Variants in ASCL5 observed in about 807,000 individuals in gnomAD.
ASCL5 encodes the protein achaete-scute family bHLH transcription factor 5.
For missense variants in ASCL5, 262 were observed against 268.9 expected (o/e 0.97, Z 0.18); for synonymous variants, 124 against 131.5 (o/e 0.94, Z 0.39).
chr1:201,118,743 T>C (rs1332738283), intron 1 of ASCL5, among the ~76,000 whole-genome samples: 1 of 152,158 alleles, frequency 6.6e-6, no homozygotes, highest in Non-Finnish European at 1.5e-5. Flanking sequence ...ATAATGATAA[T>C]CATAGCTACA....
chr1:201,126,601 T>C (rs1281490187), intron 1 of ASCL5, among the ~76,000 whole-genome samples: 1 of 152,224 alleles, frequency 6.6e-6, no homozygotes, highest in Non-Finnish European at 1.5e-5. Flanking sequence ...CTGTGAGCCA[T>C]ATACTATTAT....
chr1:201,121,132 G>A (rs1219963854), intron 1 of ASCL5, among the ~76,000 whole-genome samples: 1 of 152,170 alleles, frequency 6.6e-6, no homozygotes, highest in Non-Finnish European at 1.5e-5. Context: ...GCCCTTGGAG[G>A]GCATGTTAGC....
intron 1 of ASCL5, among the ~76,000 whole-genome samples, chr1:201,121,517 T>C (rs1269475384): frequency 6.6e-6 from 1 of 152,236 alleles, no homozygotes; most frequent in African/African-American, 2.4e-5. Flanking sequence ...TCTGTTTTAA[T>C]TTTGTAGACC....
In ASCL5 at chr1:201,114,010, A is replaced by G. The variant is rs1663268065; in HGVS notation, c.*742T>C. ...GTGCCGACGCAGTGCCTATGTACCT[A>G]TATGCACGCCCCCCTCCCCCAAGGC... On this transcript the variant is annotated 3_prime_UTR_variant, in exon 2 of 2. Transcript: ENST00000449188. The G allele has an allele frequency of 6.6e-6, 1 of 152,000 alleles. No individual in the cohort carries two copies. The highest frequency in any genetic ancestry group is 6.6e-5 in the Admixed American group (1 of 15,260). The allele number at this position is 152,000 out of a possible 1,614,324, so 9.4% of individuals were successfully genotyped here.
chr1:201,114,816 T>G lies in ASCL5; in HGVS notation c.557A>C (p.Glu186Ala). 3.3e-6 allele frequency: 4 copies of G among 1,208,176 alleles called. No homozygotes were observed. Among genetic ancestry groups the G allele is most frequent in the Non-Finnish European group, 4.1e-6 (4 of 974,378 alleles). 74.8% of individuals were successfully genotyped at this position (1,208,176 alleles called of 1,614,324 possible). The change falls in exon 2 of 2, where the codon GAG (glutamate) becomes GCG (alanine). Residue 186 changes from glutamate to alanine, a missense_variant. Glu to Ala is a moderately radical substitution (Grantham distance 107). Coordinates refer to ENST00000449188, the MANE Select transcript of ASCL5 (RefSeq NM_001270601.2). ...EARAPSSLVPESSESSCFSPS... is the reference protein window; with the variant it reads ...EARAPSSLVPASSESSCFSPS... Reference sequence around the variant, plus strand: ...GGAGAAGCAGGAGGACTCGGATGACTCCGGCACCAGGGAGGAGGGCGCCCG... The same window carrying G: ...GGAGAAGCAGGAGGACTCGGATGACGCCGGCACCAGGGAGGAGGGCGCCCG...
chr1:201,122,247 T>C (rs903826631), intron 1 of ASCL5, among the ~76,000 whole-genome samples: 1 of 152,160 alleles, frequency 6.6e-6, no homozygotes, highest in Non-Finnish European at 1.5e-5. Context: ...TGCCTCAGGT[T>C]TGGAAACCTC....
At chr1:201,121,568 G>A (rs1396128839) in intron 1 of ASCL5, among the ~76,000 whole-genome samples, 1 of 152,044 alleles carries the variant, frequency 6.6e-6, no homozygotes, top group African/African-American at 2.4e-5. Flanking sequence ...TCATTAAGCA[G>A]GCCATCTTTT....
chr1:201,114,512 T>G lies in ASCL5; in HGVS notation c.*240A>C, dbSNP rs542894824. On this transcript the variant is annotated 3_prime_UTR_variant, in exon 2 of 2. Coordinates refer to ENST00000449188, the MANE Select transcript of ASCL5 (RefSeq NM_001270601.2). Reference sequence around the variant, plus strand: ...GGACGCCCGGAGCAGTCCCAGGCCCTGCCCCTCGCTTCACCCACGGAGCTC... The same window carrying G: ...GGACGCCCGGAGCAGTCCCAGGCCCGGCCCCTCGCTTCACCCACGGAGCTC... The G allele has an allele frequency of 3.9e-4, 138 of 351,398 alleles. No homozygotes were observed. Among genetic ancestry groups the G allele is most frequent in the African/African-American group, 2.2e-3 (103 of 47,234 alleles). The allele number at this position is 351,398 out of a possible 1,614,324, so 21.8% of individuals were successfully genotyped here.
intron 1 of ASCL5, among the ~76,000 whole-genome samples, chr1:201,117,271 A>G (rs1253490910): frequency 6.6e-6 from 1 of 152,098 alleles, no homozygotes. Flanking sequence ...CCCTGTCTCT[A>G]CTAAAAATAC....
chr1:201,118,406 G>A (rs1663389006), intron 1 of ASCL5, among the ~76,000 whole-genome samples: 2 of 151,418 alleles, frequency 1.3e-5, no homozygotes, highest in South Asian at 4.2e-4. Flanking sequence ...GATGGCTTAA[G>A]CCCAGGAGGC....
chr1:201,117,434 A>T (rs1023938184), intron 1 of ASCL5, among the ~76,000 whole-genome samples: 3 of 146,740 alleles, frequency 2.0e-5, no homozygotes, highest in African/African-American at 7.6e-5. Flanking sequence ...AGACTCCATT[A>T]AAAAAAAAAG....
chr1:201,123,678 A>G (rs185042424), intron 1 of ASCL5, among the ~76,000 whole-genome samples: 1 of 152,248 alleles, frequency 6.6e-6, no homozygotes, highest in Admixed American at 6.5e-5. Context: ...GAAGAATAAG[A>G]CTCAGATTCA....
intron 1 of ASCL5, among the ~76,000 whole-genome samples, 159 bp from the exon 2 acceptor site, chr1:201,116,036 C>G (rs1157063350): frequency 1.3e-5 from 2 of 152,190 alleles, no homozygotes; most frequent in African/African-American, 4.8e-5. Flanking sequence ...CTTGTGTCCA[C>G]TCCTTAATAG....
chr1:201,126,255 C>G (rs765002651), intron 1 of ASCL5, among the ~76,000 whole-genome samples: 3 of 152,088 alleles, frequency 2.0e-5, no homozygotes, highest in African/African-American at 7.2e-5. Flanking sequence ...CCTGCCTCAG[C>G]CTCCTGATTA....
chr1:201,123,158 T>C (rs1663515383), intron 1 of ASCL5, among the ~76,000 whole-genome samples: 1 of 152,100 alleles, frequency 6.6e-6, no homozygotes, highest in African/African-American at 2.4e-5. Context: ...CTGTCCTGAG[T>C]CTAAAAGGAA....
chr1:201,123,949 G>A (rs1663531196), intron 1 of ASCL5, among the ~76,000 whole-genome samples: 1 of 152,166 alleles, frequency 6.6e-6, no homozygotes, highest in Admixed American at 6.5e-5. Flanking sequence ...GTGAGACCCT[G>A]GCCAAAATTG....
chr1:201,118,044 T>C (rs1663379392), intron 1 of ASCL5, among the ~76,000 whole-genome samples: 1 of 152,256 alleles, frequency 6.6e-6, no homozygotes, highest in Non-Finnish European at 1.5e-5. Flanking sequence ...TTTGTTCATG[T>C]TGATTTAATA....
rs564948151 is a variant in ASCL5 at position 201,122,509 on chromosome 1, T to C, written c.-506+4575A>G. ...CTGAGAGAAGGTATTACTGTTCCTG[T>C]TTACAAAAGAGGAAACAGGCTCAGA... On this transcript the variant is annotated intron_variant, in intron 1 of 1. Transcript: ENST00000449188. Among the ~76,000 whole-genome samples the C allele has an allele frequency of 5.3e-4, 80 of 152,192 alleles. No homozygotes were observed. The South Asian group carries it at 6.0e-3, about 11-fold the overall frequency.
chr1:201,114,630 C>A lies in ASCL5; in HGVS notation c.*122G>T, dbSNP rs191066338. ...GGGTGTCGCAGACACGGGAGCGCCG[C>A]GGACCTCCTACAGTCACCGTCCTGC... On this transcript the variant is annotated 3_prime_UTR_variant, in exon 2 of 2. Coordinates refer to ENST00000449188, the MANE Select transcript of ASCL5 (RefSeq NM_001270601.2). 8.9e-4 allele frequency: 807 copies of A among 906,458 alleles called. 5 individuals carry two copies. The African/African-American group carries it at 0.012, about 13-fold the overall frequency. The allele number at this position is 906,458 out of a possible 1,614,324, so 56.2% of individuals were successfully genotyped here.
Sources: gnomAD v4.1 joint callset for allele counts (sites outside exome capture counted in the v4.1 genomes callset) on GRCh38, gnomAD v4.1.1 for gene constraint, MANE v1.5 for transcripts, NCBI Gene and HGNC (gene_info 2026-07-23, HGNC 2026-07-21) for gene names.